Variants in JMJD1C observed in about 807,000 individuals in gnomAD.
JMJD1C encodes jumonji domain containing 1C.
In JMJD1C, 31 loss-of-function variants were observed where a neutral mutation model predicts 245.3. The ratio of observed to expected loss-of-function variants is 0.13; its 90% CI spans 0.09 to 0.17. The LOEUF (loss-of-function observed/expected upper bound fraction) is 0.17, where lower values mean the gene tolerates loss of function less well. Among genes scored for constraint, JMJD1C ranks in the 10% least tolerant of loss-of-function variants. The probability of loss-of-function intolerance (pLI) is 1.00; values close to 1 mark genes in which losing one functional copy is unlikely to be tolerated. For synonymous variants in JMJD1C, 1,057 were observed against 1,017.4 expected, an observed-to-expected ratio of 1.04 and a Z score of -0.74; for missense variants, 2,691 against 3,000.2, an observed-to-expected ratio of 0.90 and a Z score of 2.41.
At chr10:63,352,045 G>C (rs1297814506) in intron 2 of JMJD1C, among the ~76,000 whole-genome samples, 3 of 151,826 alleles carry the variant, frequency 2.0e-5, no homozygotes, top group African/African-American at 4.8e-5. Context: ...GGAGGGGCGA[G>C]AATAAAAAAA....
At chr10:63,354,827 C>T (rs962233119) in intron 2 of JMJD1C, among the ~76,000 whole-genome samples, 3 of 111,566 alleles carry the variant, frequency 2.7e-5, no homozygotes, top group Non-Finnish European at 5.3e-5. Flanking sequence ...ACAGCATGGG[C>T]AACATGGTGA....
At chr10:63,228,974 A>G (rs1849641816) in intron 3 of JMJD1C, among the ~76,000 whole-genome samples, 1 of 152,284 alleles carries the variant, frequency 6.6e-6, no homozygotes, top group South Asian at 2.1e-4. Context: ...GTCAATGACT[A>G]TTACATTCAG....
intron 8 of JMJD1C, among the ~76,000 whole-genome samples, chr10:63,211,700 T>C (rs1328001140): frequency 1.3e-5 from 2 of 151,350 alleles, no homozygotes; most frequent in Non-Finnish European, 2.9e-5. Flanking sequence ...CTCACTTAAC[T>C]TCAGAAAGCT....
intron 1 of JMJD1C, among the ~76,000 whole-genome samples, chr10:63,387,225 A>T (rs1043058482): frequency 2.0e-5 from 3 of 152,222 alleles, no homozygotes; most frequent in Non-Finnish European, 2.9e-5. Context: ...TCAATACCTG[A>T]TGCATAGATA....
chr10:63,195,908 AAC>A lies in JMJD1C; in HGVS notation c.5644+1501_5644+1502del, dbSNP rs1589119086. Reference sequence around the variant, plus strand: ...TGCGCCACTGCACTCCAGCCTGGGCAACAGAGTGAGACTCTGTCTCAAAAAAA... The same window carrying A: ...TGCGCCACTGCACTCCAGCCTGGGCAAGAGTGAGACTCTGTCTCAAAAAAA... On this transcript the variant is annotated intron_variant, in intron 13 of 25. Coordinates refer to ENST00000399262, the MANE Select transcript of JMJD1C (RefSeq NM_032776.3). Among the ~76,000 whole-genome samples, 4 of 152,166 alleles carry A rather than the reference AAC, an allele frequency of 2.6e-5. No homozygotes were observed. In the East Asian group the frequency reaches 7.7e-4, roughly 29 times the overall value.
chr10:63,470,978 G>A (rs554846287), intron 1 of JMJD1C, among the ~76,000 whole-genome samples: 1 of 152,298 alleles, frequency 6.6e-6, no homozygotes, highest in African/African-American at 2.4e-5. Context: ...TCTGCTGAGT[G>A]AGGAACTACA....
intron 2 of JMJD1C, among the ~76,000 whole-genome samples, chr10:63,284,903 ACAC>A (rs1313206138): frequency 4.3e-4 from 35 of 80,818 alleles, no homozygotes; most frequent in Non-Finnish European, 7.4e-4. Flanking sequence ...ACACACACAC[ACAC>A]ATTCTCTCTA....
rs142787558 is a variant in JMJD1C, at chr10:63,508,867, G to T, written n.113+12871C>A. 3.2e-3 allele frequency among the ~76,000 whole-genome samples: 492 copies of T among 152,216 alleles called. 2 individuals are homozygous for T. Among genetic ancestry groups the T allele is most frequent in the African/African-American group, 0.011 (477 of 41,546 alleles). On this transcript the variant is annotated intron_variant and non_coding_transcript_variant, in intron 1 of 3. Coordinates refer to the JMJD1C transcript ENST00000633035. Reference sequence around the variant, plus strand: ...TCTTTTGAATTTTCTTCATAATCTTGTCATCTGTGAACAATGACAGTTTAC... The same window carrying T: ...TCTTTTGAATTTTCTTCATAATCTTTTCATCTGTGAACAATGACAGTTTAC...
At chr10:63,351,821 C>T (rs1245780189) in intron 2 of JMJD1C, among the ~76,000 whole-genome samples, 9 of 152,146 alleles carry the variant, frequency 5.9e-5, no homozygotes, top group Admixed American at 5.2e-4. Context: ...TCCTTGAATG[C>T]CGTAACCACA....
chr10:63,425,271 A>C (rs935609172), intron 1 of JMJD1C, among the ~76,000 whole-genome samples: 1 of 152,206 alleles, frequency 6.6e-6, no homozygotes, highest in African/African-American at 2.4e-5. Context: ...AAATTTTAAA[A>C]CTGAATTTTG....
intron 1 of JMJD1C, among the ~76,000 whole-genome samples, chr10:63,428,578 A>G (rs1347951237): frequency 3.3e-5 from 5 of 152,212 alleles, no homozygotes; most frequent in Admixed American, 6.5e-5. Context: ...TTCAGTGACT[A>G]TAAGCAGAAA....
intron 2 of JMJD1C, among the ~76,000 whole-genome samples, chr10:63,360,946 G>A (rs77832661): frequency 0.024 from 3,641 of 151,872 alleles, 103 homozygotes; most frequent in African/African-American, 0.066. Flanking sequence ...CACCGAGCCC[G>A]GCCTAAAAAG....
intron 2 of JMJD1C, among the ~76,000 whole-genome samples, chr10:63,324,096 T>C (rs1430088164): frequency 6.7e-6 from 1 of 148,618 alleles, no homozygotes; most frequent in African/African-American, 2.5e-5. Flanking sequence ...TCTGCCCAAA[T>C]GGATAAGGGT....
intron 18 of JMJD1C, among the ~76,000 whole-genome samples, chr10:63,188,023 TTCTTGTATATGTCCAGCC>T (rs1844334539): frequency 6.6e-6 from 1 of 152,142 alleles, no homozygotes; most frequent in Non-Finnish European, 1.5e-5. Context: ...ACACCTAATG[TTCTTGTATATGTCCAGCC>T]TCTTGTCCAC....
At chr10:63,176,037 T>G (rs1323715553) in intron 24 of JMJD1C, among the ~76,000 whole-genome samples, 1 of 152,112 alleles carries the variant, frequency 6.6e-6, no homozygotes, top group East Asian at 1.9e-4. Context: ...CAGGAGGGCT[T>G]AAAAATCAGA....
In JMJD1C at chr10:63,208,128, T is replaced by C; in HGVS notation, c.3541A>G (p.Asn1181Asp). ...AAATGGGTAGGACTCCTACAATCAT[T>C]TCTGAAGGTTGTTACTGAGTGAGAT... ...IASHSVTTFR[N>D]DCRSPTHLTV... Residue 1181 changes from asparagine (N) to aspartate (D), a missense_variant, in exon 10 of 26, where the codon AAT becomes GAT. Coordinates refer to ENST00000399262, the MANE Select transcript of JMJD1C (RefSeq NM_032776.3). The C allele has an allele frequency of 1.2e-6, 2 of 1,614,158 alleles. No homozygotes were observed. The highest frequency in any genetic ancestry group is 1.7e-6 in the Non-Finnish European group (2 of 1,180,006).
intron 24 of JMJD1C, among the ~76,000 whole-genome samples, chr10:63,175,249 G>A (rs1248470296): frequency 2.0e-5 from 3 of 152,170 alleles, no homozygotes; most frequent in Non-Finnish European, 4.4e-5. Context: ...TGTATAGGGT[G>A]AATCCCAGAT....
At chr10:63,357,826 GACACACACACACACAC>G (rs35073293) in intron 2 of JMJD1C, among the ~76,000 whole-genome samples, 18 of 140,536 alleles carry the variant, frequency 1.3e-4, no homozygotes, top group South Asian at 7.0e-4. Context: ...CAGACAGACA[GACACACACACACACAC>G]ACACACACAC....
intron 1 of JMJD1C, among the ~76,000 whole-genome samples, chr10:63,452,126 CAA>C (rs1952108754): frequency 6.6e-6 from 1 of 152,066 alleles, no homozygotes; most frequent in Non-Finnish European, 1.5e-5. Flanking sequence ...TCCTATGCAT[CAA>C]AAGACATTAT....
Sources: allele counts gnomAD v4.1 joint callset (sites outside exome capture counted in the v4.1 genomes callset), GRCh38; gene constraint gnomAD v4.1.1; transcripts MANE v1.5; gene names NCBI Gene and HGNC (gene_info 2026-07-23, HGNC 2026-07-21).